Variants in DOCK8 observed in about 807,000 individuals in gnomAD.
The protein encoded by DOCK8 is dedicator of cytokinesis 8.
Under a neutral mutation model 245.6 loss-of-function variants are expected in DOCK8, and 141 were observed. The observed-to-expected ratio is 0.57, with a 90% CI of 0.50 to 0.66. DOCK8 has a LOEUF of 0.66. DOCK8 is among the 30% of genes least tolerant of loss of function. The pLI is 0.00. For synonymous variants in DOCK8, 1,168 were observed against 970.2 expected (o/e 1.20, Z -3.79); for missense variants, 2,965 against 2,603.4 (o/e 1.14, Z -3.02).
chr9:233,542 G>A (rs1365981057), intron 1 of DOCK8, among the ~76,000 whole-genome samples: 4,767 of 151,474 alleles, frequency 0.031, 218 homozygotes, highest in African/African-American at 0.11. Flanking sequence ...AAGTCTCTTT[G>A]TAGGTCACTA....
At chr9:373,748 A>G (rs2053398929) in intron 18 of DOCK8, among the ~76,000 whole-genome samples, 1 of 152,218 alleles carries the variant, frequency 6.6e-6, no homozygotes, top group African/African-American at 2.4e-5. Flanking sequence ...GACCACAGGC[A>G]TGTGTCTGGT....
At chr9:275,988 T>A (rs991271533) in intron 2 of DOCK8, among the ~76,000 whole-genome samples, 17 of 152,086 alleles carry the variant, frequency 1.1e-4, no homozygotes. Flanking sequence ...CCTCCTGCGT[T>A]CAAGTGATTC....
At chr9:374,681 G>T (rs979453793) in intron 18 of DOCK8, among the ~76,000 whole-genome samples, 9 of 149,796 alleles carry the variant, frequency 6.0e-5, no homozygotes, top group African/African-American at 1.7e-4. Context: ...GCTCAGGCTG[G>T]TCTCAAACTC....
At chr9:241,858 C>G (rs2047380973) in intron 1 of DOCK8, among the ~76,000 whole-genome samples, 1 of 152,082 alleles carries the variant, frequency 6.6e-6, no homozygotes, top group Non-Finnish European at 1.5e-5. Context: ...GAGTAATCCT[C>G]CCACTTCAGC....
rs61213247 is a variant in DOCK8 at position 362,328 on chromosome 9, A to C, written c.1680-5690A>C. Among the ~76,000 whole-genome samples, 1,506 of 152,294 alleles carry C rather than the reference A, an allele frequency of 9.9e-3. 24 individuals are homozygous for C. Among genetic ancestry groups the C allele is most frequent in the African/African-American group, 0.035 (1,453 of 41,544 alleles). ...AAATAACCCCAACTTCATGAACCCT[A>C]TTCCCATGACCTATTTGCCAATCTG... On this transcript the variant is annotated intron_variant, in intron 14 of 47. Transcript: ENST00000432829.
At chr9:334,829 C>T (rs1199949625) in intron 11 of DOCK8, among the ~76,000 whole-genome samples, 2 of 152,098 alleles carry the variant, frequency 1.3e-5, no homozygotes, top group African/African-American at 4.8e-5. Context: ...CGCTTGTAAT[C>T]CCACCACTTT....
chr9:378,438 G>A (rs985790983), intron 20 of DOCK8, among the ~76,000 whole-genome samples: 4 of 152,232 alleles, frequency 2.6e-5, no homozygotes, highest in African/African-American at 9.6e-5. Context: ...TAGAGCCAGG[G>A]AGGGGCATGT....
intron 14 of DOCK8, among the ~76,000 whole-genome samples, chr9:363,889 G>T (rs1424609266): frequency 6.6e-6 from 1 of 152,210 alleles, no homozygotes; most frequent in Non-Finnish European, 1.5e-5. Flanking sequence ...TAAGAGACAA[G>T]TGTGGTGAGA....
intron 1 of DOCK8, among the ~76,000 whole-genome samples, chr9:261,085 CAAA>C (rs546281564): frequency 1.6e-4 from 10 of 62,142 alleles, no homozygotes; most frequent in African/African-American, 6.3e-5. Context: ...GACTCCGTCT[CAAA>C]AAAAAAAAAA....
In DOCK8 at chr9:389,490, C is replaced by T. The variant is rs144036372; in HGVS notation, c.2875-981C>T. The stretch of plus-strand genomic sequence containing the variant: ...CCTCTCATAAACCCCACCGATCCTG[C>T]TTCCCACAATGCCATATGGGCATTA... On this transcript the variant is annotated intron_variant, in intron 23 of 47. Transcript: ENST00000432829. 4.9e-4 allele frequency among the ~76,000 whole-genome samples: 75 copies of T among 152,310 alleles called. 1 individual carries two copies. The highest frequency in any genetic ancestry group is 1.7e-3 in the African/African-American group (72 of 41,574).
chr9:420,924 GTCC>G, intron 31 of DOCK8, 22 bp from the exon 32 acceptor site: 1 of 1,614,148 alleles, frequency 6.2e-7, no homozygotes, highest in Non-Finnish European at 8.5e-7. Flanking sequence ...CAAAGGACAT[GTCC>G]TCCTACCTCT....
intron 14 of DOCK8, among the ~76,000 whole-genome samples, chr9:357,760 C>G (rs1378698006): frequency 6.6e-6 from 1 of 152,206 alleles, no homozygotes; most frequent in African/African-American, 2.4e-5. Flanking sequence ...GTGCCTCCTT[C>G]TAATCTTGCG....
chr9:456,518 T>G (rs1280737040), intron 46 of DOCK8: 1 of 152,218 alleles, frequency 6.6e-6, no homozygotes, highest in African/African-American at 2.4e-5. Context: ...AAACATTTGC[T>G]TGCCAGGTCC....
chr9:440,666 A>C (rs10758601), intron 40 of DOCK8, among the ~76,000 whole-genome samples: 92,350 of 151,774 alleles, frequency 0.61, 30,599 homozygotes, highest in East Asian at 0.99. Flanking sequence ...AAATATACTA[A>C]AACTGCCTTT....
intron 40 of DOCK8, among the ~76,000 whole-genome samples, chr9:440,711 C>G (rs1446201950): frequency 6.6e-6 from 1 of 152,120 alleles, no homozygotes; most frequent in African/African-American, 2.4e-5. Context: ...CCAAACTTCT[C>G]TCCTGTTTTT....
rs2048954657 is a variant in DOCK8, at chr9:289,531, C to G, written c.354C>G (p.Val118=). The stretch of plus-strand genomic sequence containing the variant: ...TTAGGGTTGAACTGGACCCTCATGT[C>G]AGGGACTGTGTTCAGACCTACATCC... ...PEEGVELDPH[V]RDCVQTYIRE... The change falls in exon 4 of 48, where the codon GTC becomes GTG. Residue 118 remains valine (V), a synonymous_variant. Coordinates refer to ENST00000432829, the MANE Select transcript of DOCK8 (RefSeq NM_203447.4). 1.2e-6 allele frequency: 2 copies of G among 1,613,612 alleles called. No individual in the cohort carries two copies. The highest frequency in any genetic ancestry group is 2.2e-5 in the South Asian group (2 of 91,068).
Position 452,134 on chromosome 9 carries a change from C to A in DOCK8, c.6068+17C>A. On this transcript the variant is annotated intron_variant, in intron 46 of 47. Transcript: ENST00000432829. ...CATCATGAGGTAAGAAGGAAAATGG[C>A]TGGGAATTTCAGTAGAGCAGTGGTT... 6.5e-7 allele frequency: 1 copy of A among 1,543,472 alleles called. No homozygotes were observed. The highest frequency in any genetic ancestry group is 8.9e-7 in the Non-Finnish European group (1 of 1,117,486).
intron 1 of DOCK8, among the ~76,000 whole-genome samples, chr9:239,817 TTTTTA>T (rs1162999394): frequency 1.3e-5 from 2 of 152,216 alleles, no homozygotes; most frequent in African/African-American, 4.8e-5. Flanking sequence ...ATAACCTGCT[TTTTTA>T]TTTAAAAAAT....
At chr9:399,957 A>G (rs917465394) in intron 26 of DOCK8, among the ~76,000 whole-genome samples, 8 of 149,720 alleles carry the variant, frequency 5.3e-5, no homozygotes, top group African/African-American at 2.0e-4. Flanking sequence ...TCCCATGCCC[A>G]CTATCACCAC....
Sources: allele counts gnomAD v4.1 joint callset (sites outside exome capture counted in the v4.1 genomes callset), GRCh38; gene constraint gnomAD v4.1.1; transcripts MANE v1.5; gene names NCBI Gene and HGNC (gene_info 2026-07-23, HGNC 2026-07-21).